Variants in NPHP1 observed in about 807,000 individuals in gnomAD.
NPHP1 encodes nephrocystin 1, also known as nephrocystin-1.
In NPHP1, 70 loss-of-function variants were observed where a neutral mutation model predicts 90.4. The observed-to-expected ratio is 0.77, with a 90% CI of 0.64 to 0.95. NPHP1 has a LOEUF of 0.95. Ranked by LOEUF, NPHP1 falls within the 40% of genes least tolerant of loss-of-function variation. The pLI, the probability that NPHP1 is intolerant of heterozygous loss-of-function variation, is 0.00. For missense variants in NPHP1, 764 were observed against 795.9 expected (o/e 0.96, Z 0.48); for synonymous variants, 256 against 271.7 (o/e 0.94, Z 0.57).
chr2:110,129,109 A>AGACCACAT, intron 18 of NPHP1, 77 bp downstream of exon 18: 2 of 1,040,850 alleles, frequency 1.9e-6, no homozygotes, highest in Non-Finnish European at 3.0e-6. Flanking sequence ...AAAAAGGCCT[A>AGACCACAT]GACAGAACTC....
chr2:110,128,954 T>G, intron 18 of NPHP1: 1 of 555,288 alleles, frequency 1.8e-6, no homozygotes, highest in Middle Eastern at 4.7e-4. Flanking sequence ...GGGCAAAGAT[T>G]GCAATAGTGT....
intron 18 of NPHP1, 104 bp downstream of exon 18, chr2:110,129,082 T>G: frequency 1.3e-6 from 1 of 767,546 alleles, no homozygotes; most frequent in Non-Finnish European, 2.3e-6. Context: ...TTGGGAGACA[T>G]CATCCTAGTA....
At chr2:110,125,297 T>G (rs1214076469) in intron 19 of NPHP1, 2 of 1,535,658 alleles carry the variant, frequency 1.3e-6, no homozygotes. Flanking sequence ...TTTTTTTCCC[T>G]TCTCTTGGTG....
chr2:110,141,874 G>A (rs1680659547), intron 16 of NPHP1, among the ~76,000 whole-genome samples: 1 of 151,334 alleles, frequency 6.6e-6, no homozygotes, highest in South Asian at 2.1e-4. Context: ...TCGGTAGGCT[G>A]AGGCAGGAAA....
chr2:110,137,546 T>C (rs918511914), intron 16 of NPHP1, among the ~76,000 whole-genome samples: 2 of 152,148 alleles, frequency 1.3e-5, no homozygotes, highest in Non-Finnish European at 1.5e-5. Flanking sequence ...AAAGAAGACA[T>C]TTATGCAGCC....
chr2:110,147,758 A>G (rs543240116), intron 13 of NPHP1, among the ~76,000 whole-genome samples, 158 bp downstream of exon 13: 40 of 152,214 alleles, frequency 2.6e-4, no homozygotes, highest in Non-Finnish European at 4.7e-4. Context: ...AAAACAAATC[A>G]GCACACATAA....
In NPHP1 at chr2:110,124,045, T is replaced by G. The variant is rs775002303; in HGVS notation, c.1780A>C (p.Lys594Gln). The part of the protein sequence containing the change: ...RSEKRDKEFL[K>Q]STFLLVYHDC... Reference sequence around the variant, plus strand: ...TGGTAAACCAGGAGAAACGTGGACTTCAGGAACTCTTTGTCTCTCTGGGAA... The same window carrying G: ...TGGTAAACCAGGAGAAACGTGGACTGCAGGAACTCTTTGTCTCTCTGGGAA... Residue 594 changes from lysine to glutamine, a missense_variant, in exon 20 of 20, where the codon AAG (lysine) becomes CAG (glutamine). Transcript: ENST00000445609. 6.8e-6 allele frequency: 11 copies of G among 1,614,082 alleles called. No individual in the cohort carries two copies. In the South Asian group the frequency reaches 1.2e-4, roughly 18 times the overall value.
rs371895947 is a variant in NPHP1 at position 110,169,027 on chromosome 2, C to T, written c.523-474G>A. ...GAATATAATTACCCACTTAATTCAC[C>T]AGATATGTTTTGAATAACACTCACT... On this transcript the variant is annotated intron_variant, in intron 5 of 19. Transcript: ENST00000445609. Among the ~76,000 whole-genome samples the T allele has an allele frequency of 2.8e-4, 42 of 151,980 alleles. No individual in the cohort carries two copies. In the East Asian group the frequency reaches 5.0e-3, roughly 18 times the overall value.
At chr2:110,130,334 T>G (rs1679691153) in intron 17 of NPHP1, among the ~76,000 whole-genome samples, 1 of 152,188 alleles carries the variant, frequency 6.6e-6, no homozygotes, top group Non-Finnish European at 1.5e-5. Context: ...TTTATTCTAA[T>G]GATTAAATTC....
rs1345383804 is a variant in NPHP1 at position 110,164,549 on chromosome 2, T to C, written c.771+139A>G. On this transcript the variant is annotated intron_variant, in intron 8 of 19. Transcript: ENST00000445609. ...AGCACAGGCTTAGAAACCAGAAATA[T>C]ACGTCCTCTGCTCTGTACATTCCAT... 1.0e-5 allele frequency: 16 copies of C among 1,574,416 alleles called. No individual in the cohort carries two copies. The highest frequency in any genetic ancestry group is 1.4e-5 in the African/African-American group (1 of 73,964).
chr2:110,134,792 T>C (rs1432275922), intron 16 of NPHP1, among the ~76,000 whole-genome samples: 3 of 152,068 alleles, frequency 2.0e-5, no homozygotes, highest in Non-Finnish European at 4.4e-5. Context: ...CCTTTCATGA[T>C]AAAAACACTC....
intron 4 of NPHP1, among the ~76,000 whole-genome samples, chr2:110,176,377 G>A (rs1683508500): frequency 6.6e-6 from 1 of 151,850 alleles, no homozygotes; most frequent in Admixed American, 6.6e-5. Context: ...TTTCTTTACT[G>A]TATTAATCAT....
At chr2:110,134,413 A>G (rs1399175046) in intron 16 of NPHP1, among the ~76,000 whole-genome samples, 1 of 152,050 alleles carries the variant, frequency 6.6e-6, no homozygotes, top group East Asian at 1.9e-4. Flanking sequence ...CCAAACCTTT[A>G]AAGAAGAATT....
intron 5 of NPHP1, among the ~76,000 whole-genome samples, chr2:110,169,541 C>T (rs527934972): frequency 1.2e-4 from 18 of 152,070 alleles, no homozygotes; most frequent in Non-Finnish European, 2.4e-4. Flanking sequence ...TTATACATGA[C>T]ATTCAATAAC....
intron 2 of NPHP1, among the ~76,000 whole-genome samples, chr2:110,200,035 C>A (rs936073681): frequency 6.7e-6 from 1 of 149,156 alleles, no homozygotes; most frequent in African/African-American, 2.5e-5. Context: ...AAGCAGGGGG[C>A]ATGAGGTCAG....
intron 3 of NPHP1, 131 bp downstream of exon 3, chr2:110,179,493 A>G: frequency 3.4e-6 from 2 of 592,260 alleles, no homozygotes; most frequent in East Asian, 6.1e-5. Flanking sequence ...TCGGCAAGCC[A>G]GCACTGGCTG....
rs1436930503 is a variant in NPHP1 at position 110,123,429 on chromosome 2, C to T, written c.*362G>A. Reference sequence around the variant, plus strand: ...AGACCTTTATCAGTTAGATGATTTGCAAATATGTTTTCCCATTCTGTAGGT... The same window carrying T: ...AGACCTTTATCAGTTAGATGATTTGTAAATATGTTTTCCCATTCTGTAGGT... On this transcript the variant is annotated 3_prime_UTR_variant, in exon 20 of 20. Transcript: ENST00000445609. The T allele has an allele frequency of 5.3e-6, 1 of 189,896 alleles. No homozygotes were observed. Among genetic ancestry groups the T allele is most frequent in the African/African-American group, 2.4e-5 (1 of 41,972 alleles). The allele number at this position is 189,896 out of a possible 1,614,324, so 11.8% of individuals were successfully genotyped here. A position where few individuals can be genotyped will look rare whatever the true frequency, so the allele number is the denominator to read the frequency against.
intron 16 of NPHP1, among the ~76,000 whole-genome samples, chr2:110,135,557 T>TCATG (rs1395118171): frequency 6.6e-6 from 1 of 150,378 alleles, no homozygotes; most frequent in East Asian, 2.0e-4. Flanking sequence ...TGGGAATGTA[T>TCATG]CATGCACAAG....
At chr2:110,202,183 T>A (rs866740985) in intron 1 of NPHP1, among the ~76,000 whole-genome samples, 2 of 152,194 alleles carry the variant, frequency 1.3e-5, no homozygotes, top group East Asian at 1.9e-4. Context: ...CTTGACTTAG[T>A]AGTTTGTTTA....
Sources: allele counts gnomAD v4.1 joint callset (sites outside exome capture counted in the v4.1 genomes callset), GRCh38; gene constraint gnomAD v4.1.1; transcripts MANE v1.5; gene names NCBI Gene and HGNC (gene_info 2026-07-23, HGNC 2026-07-21).